RUBCN: variants seen among roughly 807,000 people sequenced by gnomAD.
The protein encoded by RUBCN is run domain Beclin-1-interacting and cysteine-rich domain-containing protein.
In RUBCN, 74 loss-of-function variants were observed where a neutral mutation model predicts 113.2. The ratio of observed to expected loss-of-function variants is 0.65; its 90% confidence interval spans 0.54 to 0.79. RUBCN has a LOEUF of 0.79. Among genes scored for constraint, RUBCN ranks in the 30% least tolerant of loss-of-function variants. The pLI is 0.00. For synonymous variants in RUBCN, 480 were observed against 490.0 expected, an observed-to-expected ratio of 0.98 and a Z score of 0.27; for missense variants, 1,109 against 1,251.7, an observed-to-expected ratio of 0.89 and a Z score of 1.72.
chr3:197,731,645 G>A (rs1227262687), intron 1 of RUBCN, among the ~76,000 whole-genome samples: 27 of 150,198 alleles, frequency 1.8e-4, no homozygotes, highest in African/African-American at 5.1e-4. Flanking sequence ...CCTCCCTCCC[G>A]GACGGGGCGG....
chr3:197,676,817 G>A (rs148961127), intron 18 of RUBCN, 68 bp downstream of exon 18: 2 of 1,611,258 alleles, frequency 1.2e-6, no homozygotes, highest in South Asian at 1.1e-5. Flanking sequence ...AAGAACCCCA[G>A]GTCCACCCCC....
At position 197,718,003 on chromosome 3, in the gene RUBCN, G is replaced by A; in HGVS notation, c.193C>T (p.Leu65Phe). 1 of 1,614,086 alleles carries A rather than the reference G, an allele frequency of 6.2e-7. No individual in the cohort carries two copies. Among genetic ancestry groups the A allele is most frequent in the South Asian group, 1.1e-5 (1 of 91,084 alleles). ...TGGTCACGGATAAGCCCGTGATAGAGGATGCTCTGCATGTCCCTGCAAAGC... is the reference window on the plus strand; with the variant it reads ...TGGTCACGGATAAGCCCGTGATAGAAGATGCTCTGCATGTCCCTGCAAAGC... Reference protein sequence around the residue: ...ERLCRDMQSILYHGLIRDQAC... With the variant: ...ERLCRDMQSIFYHGLIRDQAC... Residue 65 changes from leucine to phenylalanine, a missense_variant, in exon 2 of 20, where the codon CTC becomes TTC. By Grantham distance (22) the Leu-to-Phe change is conservative. Around this residue, in one of 3 missense-constraint regions of RUBCN, gnomAD observed 736 missense variants for 779.6 expected, o/e 0.94. Coordinates refer to ENST00000296343, the MANE Select transcript of RUBCN (RefSeq NM_014687.4).
upstream of RUBCN, among the ~76,000 whole-genome samples, chr3:197,740,072 G>A (rs1433665697): frequency 2.6e-5 from 4 of 152,016 alleles, no homozygotes; most frequent in African/African-American, 9.7e-5. Flanking sequence ...AACTAAAATT[G>A]TAGCAAAAAG....
In RUBCN at chr3:197,700,440, A is replaced by G. The variant is rs755516499; in HGVS notation, c.1261+173T>C. 81 of 638,232 alleles carry G rather than the reference A, an allele frequency of 1.3e-4. 1 individual carries two copies. The highest frequency in any genetic ancestry group is 1.9e-4 in the Non-Finnish European group (68 of 364,144). 39.5% of individuals were successfully genotyped at this position (638,232 alleles called of 1,614,324 possible). ...TAAAGAAACAAACATAAATAGACTT[A>G]GAGATTTTGAGTCTCAGTATTTCGT... On this transcript the variant is annotated intron_variant, in intron 7 of 19. Coordinates refer to ENST00000296343, the MANE Select transcript of RUBCN (RefSeq NM_014687.4).
intron 14 of RUBCN, 108 bp from the exon 15 acceptor site, chr3:197,682,007 GA>G: frequency 1.2e-6 from 1 of 863,186 alleles, no homozygotes; most frequent in Non-Finnish European, 1.9e-6. Flanking sequence ...TATGGGAAGA[GA>G]GGGGAATTCA....
intron 7 of RUBCN, 21 bp from the exon 8 acceptor site, chr3:197,697,070 C>T (rs754630919): frequency 3.4e-5 from 41 of 1,219,812 alleles, no homozygotes; most frequent in South Asian, 3.3e-4. Flanking sequence ...TGACCACCAG[C>T]GAGTAAAAAC....
rs1473655897 is a variant in RUBCN, at chr3:197,681,006, G to GGGAGGGGATGGGGGGAGGGGACAAGA, written c.2430+97_2430+122dup. 1.4e-4 allele frequency: 90 copies of GGGAGGGGATGGGGGGAGGGGACAAGA among 645,480 alleles called. No homozygotes were observed. The highest frequency in any genetic ancestry group is 1.3e-3 in the South Asian group (83 of 62,420). 40.0% of individuals were successfully genotyped at this position (645,480 alleles called of 1,614,324 possible). A position where few individuals can be genotyped will look rare whatever the true frequency, so the allele number is the denominator to read the frequency against. On this transcript the variant is annotated intron_variant, in intron 16 of 19. Coordinates refer to ENST00000296343, the MANE Select transcript of RUBCN (RefSeq NM_014687.4). The surrounding 1 kb of genome is among the most constrained non-coding windows in gnomAD (Gnocchi z 5.5). ...GGAGGGGACAAGGAGAGGAGACGAG[G>GGGAGGGGATGGGGGGAGGGGACAAGA]GGAGGGGATGGGGGGAGGGGACAAG...
chr3:197,722,947 A>G (rs987726876), intron 1 of RUBCN, among the ~76,000 whole-genome samples: 2 of 152,062 alleles, frequency 1.3e-5, no homozygotes, highest in Admixed American at 1.3e-4. Flanking sequence ...GGAGAATTTA[A>G]CCCATTTACA....
upstream of RUBCN, among the ~76,000 whole-genome samples, chr3:197,740,566 T>C (rs1728486436): frequency 6.6e-6 from 1 of 152,224 alleles, no homozygotes; most frequent in South Asian, 2.1e-4. Context: ...TGTTAAATTT[T>C]CTAAACTTGG....
In RUBCN at chr3:197,728,991, C is replaced by T. The variant is rs569786554; in HGVS notation, c.65+7664G>A. Among the ~76,000 whole-genome samples the T allele has an allele frequency of 7.2e-4, 109 of 151,998 alleles. No individual in the cohort carries two copies. In the Middle Eastern group the frequency reaches 0.024, roughly 33 times the overall value. On this transcript the variant is annotated intron_variant, in intron 1 of 19. Coordinates refer to ENST00000296343, the MANE Select transcript of RUBCN (RefSeq NM_014687.4). ...CTAACAGAAAGATTCAGGCCGGGCG[C>T]GGTGGCTCACGCCTGTAATCCCAGC...
chr3:197,677,569 T>C (rs749539512), intron 16 of RUBCN, 28 bp from the exon 17 acceptor site: 1 of 1,607,130 alleles, frequency 6.2e-7, no homozygotes, highest in Non-Finnish European at 8.5e-7. Flanking sequence ...GGGGCAGGAG[T>C]GGGAGGGAGA....
In RUBCN at chr3:197,683,261, G is replaced by A. The variant is rs1398492011; in HGVS notation, c.1980+46C>T. On this transcript the variant is annotated intron_variant, in intron 13 of 19. Transcript: ENST00000296343. The surrounding 1 kb of genome is among the most constrained non-coding windows in gnomAD (Gnocchi z 4.6). The stretch of plus-strand genomic sequence containing the variant: ...TGTGACGAAGGAAAACAAGGTCACA[G>A]AGGCTCACGATGGCCCCTGGGTAGG... 18 of 1,613,408 alleles carry A rather than the reference G, an allele frequency of 1.1e-5. No homozygotes were observed. The highest frequency in any genetic ancestry group is 8.5e-7 in the Non-Finnish European group (1 of 1,179,446).
chr3:197,705,506 A>G (rs551472891), intron 2 of RUBCN, among the ~76,000 whole-genome samples: 2 of 149,448 alleles, frequency 1.3e-5, no homozygotes, highest in African/African-American at 4.9e-5. Flanking sequence ...TCAAAGCTGC[A>G]GTGAGCCATG....
intron 12 of RUBCN, 112 bp downstream of exon 12, chr3:197,684,045 G>A (rs551854246): frequency 6.2e-5 from 52 of 833,888 alleles, no homozygotes; most frequent in Non-Finnish European, 9.1e-5. Context: ...CTTTAACCTC[G>A]CCTCCTCTTA....
rs1719846733 is a variant in RUBCN at position 197,672,105 on chromosome 3, T to G, written c.*2913A>C. ...GCACGGGCGGCACACACGGAACATC[T>G]CTACTAAGACTCGCACTCCTTTTAT... On this transcript the variant is annotated 3_prime_UTR_variant, in exon 20 of 20. Transcript: ENST00000296343. 1 of 152,218 alleles carries G rather than the reference T, an allele frequency of 6.6e-6. No homozygotes were observed. Among genetic ancestry groups the G allele is most frequent in the African/African-American group, 2.4e-5 (1 of 41,442 alleles). 9.4% of individuals were successfully genotyped at this position (152,218 alleles called of 1,614,324 possible). A position where few individuals can be genotyped will look rare whatever the true frequency, so the allele number is the denominator to read the frequency against.
intron 11 of RUBCN, among the ~76,000 whole-genome samples, chr3:197,686,441 C>A (rs1055028502): frequency 6.6e-6 from 1 of 152,282 alleles, no homozygotes; most frequent in African/African-American, 2.4e-5. Context: ...GCTCTGACCC[C>A]GGACTGGAGG....
chr3:197,745,068 C>CCT, intron 1 of RUBCN, among the ~76,000 whole-genome samples: 3 of 151,814 alleles, frequency 2.0e-5, no homozygotes, highest in African/African-American at 7.2e-5. Flanking sequence ...GGGCAGATCA[C>CCT]AAAGTCAAGA....
At chr3:197,724,625 T>C (rs575992772) in intron 1 of RUBCN, among the ~76,000 whole-genome samples, 1 of 152,284 alleles carries the variant, frequency 6.6e-6, no homozygotes, top group South Asian at 2.1e-4. Context: ...CAGGTAATGA[T>C]TTGATCCCCA....
At chr3:197,736,131 C>G (rs189001307) in intron 1 of RUBCN, among the ~76,000 whole-genome samples, 36 of 152,156 alleles carry the variant, frequency 2.4e-4, no homozygotes, top group Non-Finnish European at 3.8e-4. Context: ...CCATGACACT[C>G]GCTCACTTTC....
Sources: allele counts gnomAD v4.1 joint callset (sites outside exome capture counted in the v4.1 genomes callset), GRCh38; gene constraint gnomAD v4.1.1; regional missense constraint gnomAD v4.1.1; non-coding constraint Gnocchi (gnomAD v3.1); transcripts MANE v1.5; gene names NCBI Gene and HGNC (gene_info 2026-07-23, HGNC 2026-07-21).